PCDHGA3: variants seen among roughly 807,000 people sequenced by gnomAD.
PCDHGA3 encodes the protein protocadherin gamma-A3.
PCDHGA3 carries 40 observed loss-of-function variants against 58.5 expected under a neutral mutation model. The ratio of observed to expected loss-of-function variants is 0.68; its 90% CI spans 0.53 to 0.89. PCDHGA3 has a LOEUF of 0.89. Ranked by LOEUF, PCDHGA3 falls within the 40% of genes least tolerant of loss-of-function variation. PCDHGA3 has a pLI of 0.00. For synonymous variants in PCDHGA3, 530 were observed against 525.7 expected, an observed-to-expected ratio of 1.01 and a Z score of -0.11; for missense variants, 1,223 against 1,195.9, an observed-to-expected ratio of 1.02 and a Z score of -0.33.
intron 1 of PCDHGA3, chr5:141,394,899 G>A: frequency 6.2e-7 from 1 of 1,613,804 alleles, no homozygotes; most frequent in Admixed American, 1.7e-5. Context: ...TCTCGTGGTG[G>A]CAGTGGCTGC....
intron 1 of PCDHGA3, chr5:141,372,478 C>T (rs548499010): frequency 6.2e-7 from 1 of 1,614,068 alleles, no homozygotes; most frequent in South Asian, 1.1e-5. Context: ...CTAGTAGTGG[C>T]GTTGGCCTTG....
At chr5:141,475,760 C>T (rs1480762060) in intron 1 of PCDHGA3, among the ~76,000 whole-genome samples, 1 of 152,286 alleles carries the variant, frequency 6.6e-6, no homozygotes, top group Non-Finnish European at 1.5e-5. Flanking sequence ...TGCACCGATA[C>T]TGGCAAGGCG....
chr5:141,449,537 C>T (rs1377909573), intron 1 of PCDHGA3, among the ~76,000 whole-genome samples: 1 of 146,330 alleles, frequency 6.8e-6, no homozygotes, highest in Non-Finnish European at 1.5e-5. Flanking sequence ...TGCAGTGAGC[C>T]GAGATCGCAC....
intron 1 of PCDHGA3, chr5:141,414,091 A>C (rs774168035): frequency 7.5e-6 from 12 of 1,594,412 alleles, no homozygotes; most frequent in African/African-American, 1.3e-5. Flanking sequence ...TGGAGAAATA[A>C]AAATATCAGA....
rs200598354 is a variant in PCDHGA3 at position 141,365,666 on chromosome 5, A to G, written c.2424+19209A>G. ...CATCCCCTTGAAAGTAGCAGACGTT[A>G]ATGACAACCCACCCAATTTCCCTCA... is the stretch of plus-strand genomic sequence containing the variant. On this transcript the variant is annotated intron_variant, in intron 1 of 3. Coordinates refer to ENST00000253812, the MANE Select transcript of PCDHGA3 (RefSeq NM_018916.4). The G allele has an allele frequency of 2.4e-4, 388 of 1,613,398 alleles. No homozygotes were observed. Among genetic ancestry groups the G allele is most frequent in the Admixed American group, 8.2e-4 (49 of 60,008 alleles).
At chr5:141,501,290 T>TACACACACAC (rs55762287) in intron 2 of PCDHGA3, among the ~76,000 whole-genome samples, 12 of 136,162 alleles carry the variant, frequency 8.8e-5, no homozygotes, top group Admixed American at 4.7e-4. Context: ...TATTCCCTTA[T>TACACACACAC]ACACACACAC....
chr5:141,413,256 A>G (rs1255086187), intron 1 of PCDHGA3: 2 of 1,613,946 alleles, frequency 1.2e-6, no homozygotes, highest in Admixed American at 1.7e-5. Context: ...TCGGGATTCC[A>G]TGGGAGGCTG....
chr5:141,412,000 C>G (rs936679371), intron 1 of PCDHGA3: 4 of 151,788 alleles, frequency 2.6e-5, no homozygotes, highest in East Asian at 1.9e-4. Flanking sequence ...GGCATAGTGA[C>G]ATAAACACTT....
chr5:141,435,260 T>C (rs1591368331), intron 1 of PCDHGA3, among the ~76,000 whole-genome samples: 1 of 152,236 alleles, frequency 6.6e-6, no homozygotes, highest in African/African-American at 2.4e-5. Context: ...TAGGGATATG[T>C]CCATTTATAC....
At chr5:141,387,607 AG>A in intron 1 of PCDHGA3, 2 of 547,806 alleles carry the variant, frequency 3.7e-6, no homozygotes, top group Non-Finnish European at 6.4e-6. Context: ...CAGAGGCTGT[AG>A]TTTCCTAGTG....
chr5:141,503,894 T>C (rs898125492), intron 2 of PCDHGA3, among the ~76,000 whole-genome samples: 2 of 152,144 alleles, frequency 1.3e-5, no homozygotes, highest in African/African-American at 4.8e-5. Flanking sequence ...CATGACAAAA[T>C]ATGCACACAC....
At position 141,345,776 on chromosome 5, in the gene PCDHGA3, C is replaced by T; in HGVS notation, c.1743C>T (p.Ser581=). The T allele has an allele frequency of 1.9e-6, 3 of 1,614,142 alleles. No homozygotes were observed. The highest frequency in any genetic ancestry group is 1.1e-5 in the South Asian group (1 of 91,058). The change falls in exon 1 of 4, where the codon TCC becomes TCT. Residue 581 remains serine (S), a synonymous_variant. Coordinates refer to ENST00000253812, the MANE Select transcript of PCDHGA3 (RefSeq NM_018916.4). ...CTGGCGTGGAGCTGGCGCCTCGCTC[C>T]GCAGAGCCCGGCTACCTGGTGACCA... The part of the protein sequence containing the change: ...GSTGVELAPR[S]AEPGYLVTKV...
chr5:141,415,982 T>A lies in PCDHGA3; in HGVS notation c.2424+69525T>A, dbSNP rs531852883. The A allele has an allele frequency of 1.9e-4, 66 of 342,492 alleles. 1 individual carries two copies. Among genetic ancestry groups the A allele is most frequent in the African/African-American group, 1.3e-3 (59 of 46,668 alleles). 21.2% of individuals were successfully genotyped at this position (342,492 alleles called of 1,614,324 possible). A position where few individuals can be genotyped will look rare whatever the true frequency, so the allele number is the denominator to read the frequency against. ...AACTCCAGCCCCTTAAGCAACCCTC[T>A]TGTTCTGAAGGCAGGTCTGGTAAGA... On this transcript the variant is annotated intron_variant, in intron 1 of 3. Transcript: ENST00000253812.
chr5:141,501,290 T>TACACATACACAC (rs1224133816), intron 2 of PCDHGA3, among the ~76,000 whole-genome samples: 9 of 136,158 alleles, frequency 6.6e-5, no homozygotes, highest in Admixed American at 1.6e-4. Context: ...TATTCCCTTA[T>TACACATACACAC]ACACACACAC....
Position 141,404,333 on chromosome 5 carries a change from C to T in PCDHGA3, c.2424+57876C>T, listed in dbSNP as rs181615917. On this transcript the variant is annotated intron_variant, in intron 1 of 3. Transcript: ENST00000253812. ...CTCTCAAGCCTCCTACTCAGTCTACCTCCCGGAAAACAACGCCAGAGGTAC... is the reference window on the plus strand; with the variant it reads ...CTCTCAAGCCTCCTACTCAGTCTACTTCCCGGAAAACAACGCCAGAGGTAC... The T allele has an allele frequency of 3.8e-5, 62 of 1,613,854 alleles. No homozygotes were observed. The East Asian group carries it at 8.5e-4, about 22-fold the overall frequency.
rs763001349 is a variant in PCDHGA3 at position 141,398,988 on chromosome 5, C to A, written c.2424+52531C>A. 1.9e-6 allele frequency: 3 copies of A among 1,613,832 alleles called. No homozygotes were observed. The African/African-American group carries it at 4.0e-5, about 22-fold the overall frequency. On this transcript the variant is annotated intron_variant, in intron 1 of 3. Coordinates refer to ENST00000253812, the MANE Select transcript of PCDHGA3 (RefSeq NM_018916.4). Reference sequence around the variant, plus strand: ...ATTCCTTCTACAGAACCGGGCAAATCTTTAGTCTGAATTCAAAGAGCGGAG... The same window carrying A: ...ATTCCTTCTACAGAACCGGGCAAATATTTAGTCTGAATTCAAAGAGCGGAG...
At chr5:141,415,712 T>G (rs2095901969) in intron 1 of PCDHGA3, 3 of 1,326,794 alleles carry the variant, frequency 2.3e-6, no homozygotes, top group Non-Finnish European at 3.1e-6. Context: ...GCTAAAACAC[T>G]GATGAGTAGA....
At position 141,346,158 on chromosome 5, in the gene PCDHGA3, A is replaced by T. The variant is rs200127587; in HGVS notation, c.2125A>T (p.Ile709Phe). 4.8e-4 allele frequency: 774 copies of T among 1,613,952 alleles called. 3 individuals are homozygous for T. The African/African-American group carries it at 9.3e-3, about 19-fold the overall frequency. The change falls in exon 1 of 4, where the codon ATC becomes TTC. Residue 709 changes from isoleucine to phenylalanine, a missense_variant. Coordinates refer to ENST00000253812, the MANE Select transcript of PCDHGA3 (RefSeq NM_018916.4). ...CTCCTGCGTCTTCCTGGCCTTCGTC[A>T]TCGTGCTGCTGGCGCTCAGGCTGCG... ...AVSCVFLAFV[I>F]VLLALRLRRW... is the part of the protein sequence containing the mutation.
intron 1 of PCDHGA3, chr5:141,399,237 A>G: frequency 6.2e-7 from 1 of 1,614,002 alleles, no homozygotes; most frequent in South Asian, 1.1e-5. Context: ...TACATGACCA[A>G]GATTCTGGGG....
Sources: allele counts gnomAD v4.1 joint callset (sites outside exome capture counted in the v4.1 genomes callset), GRCh38; gene constraint gnomAD v4.1.1; transcripts MANE v1.5; gene names NCBI Gene and HGNC (gene_info 2026-07-23, HGNC 2026-07-21).